Variants in FGF14 observed in about 807,000 individuals in gnomAD.
FGF14 encodes fibroblast growth factor 14.
FGF14 carries 5 observed loss-of-function variants against 25.5 expected under a neutral mutation model. The ratio of observed to expected loss-of-function variants is 0.20; its 90% CI spans 0.10 to 0.41. The LOEUF (loss-of-function observed/expected upper bound fraction) is 0.41, where lower values mean the gene tolerates loss of function less well. FGF14 is among the 10% of genes least tolerant of loss of function. The pLI, the probability that FGF14 is intolerant of heterozygous loss-of-function variation, is 1.00. For synonymous variants in FGF14, 138 were observed against 118.3 expected (o/e 1.17, Z -1.08); for missense variants, 222 against 320.1 (o/e 0.69, Z 2.34).
chr13:101,807,724 G>C (rs2041280037), intron 3 of FGF14, among the ~76,000 whole-genome samples: 1 of 152,024 alleles, frequency 6.6e-6, no homozygotes, highest in Admixed American at 6.6e-5. Flanking sequence ...CGAAACAAAG[G>C]AGTGAGTGGA....
At chr13:101,733,746 C>T (rs1008250914) in intron 3 of FGF14, among the ~76,000 whole-genome samples, 9 of 151,572 alleles carry the variant, frequency 5.9e-5, no homozygotes, top group African/African-American at 9.7e-5. Context: ...AGTAGTTTCC[C>T]GGGAAACAAA....
chr13:101,977,371 T>C (rs1229457667), intron 1 of FGF14, among the ~76,000 whole-genome samples: 1 of 152,212 alleles, frequency 6.6e-6, no homozygotes, highest in Non-Finnish European at 1.5e-5. Context: ...TCTTTTCTAC[T>C]TCTCCCCCAT....
chr13:101,923,250 A>G (rs142934848), intron 1 of FGF14, among the ~76,000 whole-genome samples: 345 of 152,178 alleles, frequency 2.3e-3, no homozygotes, highest in African/African-American at 7.9e-3. Flanking sequence ...GACATTTTTC[A>G]ACATCTCCAA....
chr13:102,036,393 A>C (rs1195069568), intron 1 of FGF14, among the ~76,000 whole-genome samples: 1 of 152,130 alleles, frequency 6.6e-6, no homozygotes, highest in Non-Finnish European at 1.5e-5. Context: ...CAGAACTATT[A>C]ATCTGTCCCA....
At chr13:102,115,668 T>C (rs2045435129) in intron 1 of FGF14, among the ~76,000 whole-genome samples, 1 of 152,126 alleles carries the variant, frequency 6.6e-6, no homozygotes, top group South Asian at 2.1e-4. Flanking sequence ...CAGCAGACAC[T>C]GAGAACTGCT....
chr13:101,938,271 TACAC>T (rs1429352922), intron 1 of FGF14, among the ~76,000 whole-genome samples: 1 of 151,746 alleles, frequency 6.6e-6, no homozygotes, highest in African/African-American at 2.4e-5. Flanking sequence ...ATTTGCTTCA[TACAC>T]AACAACAACA....
At chr13:101,873,357 G>T (rs2045217581) in intron 2 of FGF14, among the ~76,000 whole-genome samples, 1 of 152,042 alleles carries the variant, frequency 6.6e-6, no homozygotes, top group Non-Finnish European at 1.5e-5. Flanking sequence ...TTTTCACGTA[G>T]TCCAATAAAG....
chr13:102,182,185 T>C (rs547422310), intron 1 of FGF14, among the ~76,000 whole-genome samples: 1 of 152,180 alleles, frequency 6.6e-6, no homozygotes, highest in Admixed American at 6.5e-5. Flanking sequence ...AATGTGGCAA[T>C]AGAAGCAGGT....
intron 1 of FGF14, among the ~76,000 whole-genome samples, chr13:102,149,476 T>G (rs115979115): frequency 1.2e-4 from 18 of 152,174 alleles, no homozygotes; most frequent in African/African-American, 4.3e-4. Context: ...ATCACACTCA[T>G]GCAAGGACAC....
intron 1 of FGF14, among the ~76,000 whole-genome samples, chr13:101,924,048 T>C (rs1257010778): frequency 6.6e-6 from 1 of 152,122 alleles, no homozygotes; most frequent in Non-Finnish European, 1.5e-5. Context: ...TTTCCTACTC[T>C]AAATCAGTAG....
rs575946002 is a variant in FGF14, at chr13:102,181,560, G to A, written c.208+219911C>T. On this transcript the variant is annotated intron_variant, in intron 1 of 4. Transcript: ENST00000376131. ...ACAGAGGCACAGGAGGAGAGGAGGC[G>A]TTGTGCTGATGGAAGCAGAGATTGA... 1.4e-4 allele frequency among the ~76,000 whole-genome samples: 21 copies of A among 152,292 alleles called. No homozygotes were observed. The South Asian group carries it at 1.4e-3, about 11-fold the overall frequency.
chr13:101,962,416 G>GTC (rs1482527674), intron 1 of FGF14, among the ~76,000 whole-genome samples: 1 of 152,048 alleles, frequency 6.6e-6, no homozygotes, highest in Non-Finnish European at 1.5e-5. Flanking sequence ...TTTGTATCCT[G>GTC]TCTCTCTTTT....
At chr13:101,873,811 T>C (rs1161207315) in intron 2 of FGF14, among the ~76,000 whole-genome samples, 1 of 152,080 alleles carries the variant, frequency 6.6e-6, no homozygotes, top group African/African-American at 2.4e-5. Context: ...GCCTCCTCTT[T>C]CTTCTGTAGC....
chr13:101,910,102 G>T (rs969862139), intron 1 of FGF14, among the ~76,000 whole-genome samples: 1 of 151,908 alleles, frequency 6.6e-6, no homozygotes, highest in Admixed American at 6.6e-5. Context: ...GTGGGGTGGG[G>T]GTAGGGGGGA....
intron 1 of FGF14, among the ~76,000 whole-genome samples, chr13:102,038,398 A>G (rs1204974321): frequency 1.3e-5 from 2 of 152,150 alleles, no homozygotes; most frequent in Non-Finnish European, 2.9e-5. Flanking sequence ...GCCTGCTCCT[A>G]GGGTATGCAA....
chr13:102,105,594 T>C (rs1235092298), intron 1 of FGF14, among the ~76,000 whole-genome samples: 1 of 152,222 alleles, frequency 6.6e-6, no homozygotes, highest in African/African-American at 2.4e-5. Context: ...AGTAGATTTC[T>C]AAAAGCGTGA....
chr13:102,370,192 T>A (rs1028273262), intron 1 of FGF14, among the ~76,000 whole-genome samples: 3 of 152,028 alleles, frequency 2.0e-5, no homozygotes, highest in Admixed American at 6.5e-5. Context: ...AGGGTTTCAC[T>A]ATGTTGCTAA....
rs138759338 is a variant in FGF14 at position 102,069,894 on chromosome 13, C to T, written c.209-194598G>A. On this transcript the variant is annotated intron_variant, in intron 1 of 4. Transcript: ENST00000376131. ...AGGCTGAGGTGGGTGGATCACCTGGCGGGTGGAACTCCTGACCTCAGGCCC... is the reference window on the plus strand; with the variant it reads ...AGGCTGAGGTGGGTGGATCACCTGGTGGGTGGAACTCCTGACCTCAGGCCC... Among the ~76,000 whole-genome samples, 9 of 152,252 alleles carry T rather than the reference C, an allele frequency of 5.9e-5. No individual in the cohort carries two copies. In the South Asian group the frequency reaches 6.2e-4, roughly 11 times the overall value.
At position 102,331,184 on chromosome 13, in the gene FGF14, C is replaced by T. The variant is rs545454131; in HGVS notation, c.208+70287G>A. Among the ~76,000 whole-genome samples, 16 of 152,192 alleles carry T rather than the reference C, an allele frequency of 1.1e-4. No homozygotes were observed. The South Asian group carries it at 3.3e-3, about 32-fold the overall frequency. Reference sequence around the variant, plus strand: ...AATTCCTTGGGACACAGAAAACAACCAACAAATGAATGGCCACTTTTACAT... The same window carrying T: ...AATTCCTTGGGACACAGAAAACAACTAACAAATGAATGGCCACTTTTACAT... On this transcript the variant is annotated intron_variant, in intron 1 of 4. Coordinates refer to the FGF14 transcript ENST00000376131.
Sources: allele counts gnomAD v4.1 joint callset (sites outside exome capture counted in the v4.1 genomes callset), GRCh38; gene constraint gnomAD v4.1.1; transcripts MANE v1.5; gene names NCBI Gene and HGNC (gene_info 2026-07-23, HGNC 2026-07-21).